The following DYNC2H1 variants were observed in gnomAD, a reference collection of about 807,000 sequenced individuals.
DYNC2H1 encodes dynein cytoplasmic 2 heavy chain 1.
Under a neutral mutation model 570.0 loss-of-function variants are expected in DYNC2H1, and 410 were observed. That is an observed-to-expected ratio of 0.72 (90% CI 0.66 to 0.78). The LOEUF is 0.78. Ranked by LOEUF, DYNC2H1 falls within the 30% of genes least tolerant of loss-of-function variation. The pLI, the probability that DYNC2H1 is intolerant of heterozygous loss-of-function variation, is 0.00. For missense variants in DYNC2H1, 4,865 were observed against 5,046.4 expected, an observed-to-expected ratio of 0.96 and a Z score of 1.09; for synonymous variants, 1,688 against 1,677.6, an observed-to-expected ratio of 1.01 and a Z score of -0.15.
Position 103,211,900 on chromosome 11 carries a change from G to A in DYNC2H1, c.8651G>A (p.Ser2884Asn). ...TFLHVYSAIS[S>N]SKKKELLKRQ... ...TTACATGTGTATTCTGCCATTAGTA[G>A]TAGCAAGAAAAAGGAATTATTAAAA... The change falls in exon 54 of 89, where the codon AGT (serine) becomes AAT (asparagine). Residue 2884 changes from serine to asparagine, a missense_variant. Around this residue, in one of 5 missense-constraint regions of DYNC2H1, gnomAD observed 2,401 missense variants for 2,454.6 expected, o/e 0.98. Coordinates refer to ENST00000375735, the MANE Select transcript of DYNC2H1 (RefSeq NM_001377.3). 1 of 1,534,158 alleles carries A rather than the reference G, an allele frequency of 6.5e-7. No homozygotes were observed. The highest frequency in any genetic ancestry group is 8.8e-7 in the Non-Finnish European group (1 of 1,137,118).
chr11:103,132,351 T>C (rs1381403957), intron 13 of DYNC2H1, among the ~76,000 whole-genome samples: 2 of 152,112 alleles, frequency 1.3e-5, no homozygotes, highest in Non-Finnish European at 2.9e-5. Context: ...TTTTTTATAA[T>C]TCTATTTTTT....
intron 65 of DYNC2H1, among the ~76,000 whole-genome samples, chr11:103,246,649 G>C (rs7103859): frequency 6.6e-6 from 1 of 151,832 alleles, no homozygotes; most frequent in Non-Finnish European, 1.5e-5. Flanking sequence ...GGATGTATTC[G>C]TGTCACACTA....
chr11:103,321,934 A>G (rs1316995263), intron 81 of DYNC2H1, among the ~76,000 whole-genome samples: 5 of 152,132 alleles, frequency 3.3e-5, no homozygotes, highest in Non-Finnish European at 1.5e-5. Context: ...CTATTCAATT[A>G]TGTAGTTCTC....
intron 84 of DYNC2H1, 118 bp from the exon 85 acceptor site, chr11:103,435,825 G>T (rs1302538057): frequency 1.3e-6 from 1 of 777,344 alleles, no homozygotes. Context: ...CAAACTTAAT[G>T]AATTTCATAT....
chr11:103,419,319 ATTCCTCCTG>A (rs1943399712), intron 84 of DYNC2H1, among the ~76,000 whole-genome samples: 1 of 152,188 alleles, frequency 6.6e-6, no homozygotes, highest in African/African-American at 2.4e-5. Context: ...CCGTGATCCC[ATTCCTCCTG>A]ACTGGATGAG....
intron 88 of DYNC2H1, among the ~76,000 whole-genome samples, chr11:103,478,265 T>G (rs1945628514): frequency 6.6e-6 from 1 of 152,236 alleles, no homozygotes; most frequent in South Asian, 2.1e-4. Flanking sequence ...TTATCTAGTT[T>G]TTCTTATATG....
intron 39 of DYNC2H1, among the ~76,000 whole-genome samples, chr11:103,180,513 T>C (rs1008467226): frequency 2.0e-5 from 3 of 151,730 alleles, no homozygotes; most frequent in African/African-American, 4.8e-5. Context: ...GCATAATGAA[T>C]GTATATGATT....
intron 34 of DYNC2H1, among the ~76,000 whole-genome samples, chr11:103,171,528 T>C (rs1861574093): frequency 6.6e-6 from 1 of 152,206 alleles, no homozygotes. Context: ...AATGCTGGGA[T>C]TACTGGTGTG....
intron 73 of DYNC2H1, among the ~76,000 whole-genome samples, chr11:103,283,771 C>T (rs1335293069): frequency 3.9e-5 from 6 of 151,924 alleles, no homozygotes; most frequent in Admixed American, 1.3e-4. Context: ...TTTCTTGTTG[C>T]ATAGTCTGGG....
At chr11:103,399,087 T>C (rs957649086) in intron 83 of DYNC2H1, among the ~76,000 whole-genome samples, 1 of 151,870 alleles carries the variant, frequency 6.6e-6, no homozygotes, top group African/African-American at 2.4e-5. Flanking sequence ...TACCATACTA[T>C]TACTTAATGT....
chr11:103,211,994 G>A (rs1565399792), intron 54 of DYNC2H1, 51 bp downstream of exon 54: 2 of 1,373,368 alleles, frequency 1.5e-6, no homozygotes, highest in South Asian at 2.0e-5. Flanking sequence ...GGAAACAAGA[G>A]TTTTGTAAAT....
chr11:103,398,551 G>A (rs529556152), intron 83 of DYNC2H1, among the ~76,000 whole-genome samples: 7 of 152,190 alleles, frequency 4.6e-5, no homozygotes, highest in Admixed American at 6.5e-5. Context: ...CCATAGACTC[G>A]TCAATGTGGC....
At chr11:103,337,278 A>G (rs575618601) in intron 82 of DYNC2H1, among the ~76,000 whole-genome samples, 2 of 152,174 alleles carry the variant, frequency 1.3e-5, no homozygotes, top group East Asian at 3.9e-4. Context: ...ATGTGGGTAA[A>G]TCTCTGTTCG....
chr11:103,284,153 A>G (rs1278286992), intron 73 of DYNC2H1, among the ~76,000 whole-genome samples: 2 of 152,154 alleles, frequency 1.3e-5, no homozygotes, highest in Non-Finnish European at 2.9e-5. Context: ...GTCTTCAGCA[A>G]GAATCCCATT....
intron 79 of DYNC2H1, 71 bp from the exon 80 acceptor site, chr11:103,316,474 G>T: frequency 9.9e-7 from 1 of 1,014,662 alleles, no homozygotes; most frequent in South Asian, 1.8e-5. Context: ...TTAATTTAAA[G>T]ACAGTGATAC....
Position 103,197,841 on chromosome 11 carries a change from A to G in DYNC2H1, c.7709-92A>G, listed in dbSNP as rs151266469. The G allele has an allele frequency of 1.6e-3, 2,237 of 1,363,896 alleles. 33 individuals are homozygous for G. In the East Asian group the frequency reaches 0.031, roughly 19 times the overall value. 84.5% of individuals were successfully genotyped at this position (1,363,896 alleles called of 1,614,324 possible). A position where few individuals can be genotyped will look rare whatever the true frequency, so the allele number is the denominator to read the frequency against. ...TTCTGGAGATGATCTTATTTGGATT[A>G]TTAACTTAAAAATGTTTTAGTAGGC... On this transcript the variant is annotated intron_variant, in intron 47 of 88. Transcript: ENST00000375735.
At chr11:103,166,424 CCCTT>C (rs1331010682) in intron 31 of DYNC2H1, among the ~76,000 whole-genome samples, 1 of 152,084 alleles carries the variant, frequency 6.6e-6, no homozygotes, top group Non-Finnish European at 1.5e-5. Flanking sequence ...CCATTTGTTG[CCCTT>C]CCTTTATTCC....
At chr11:103,354,429 C>G (rs1379984328) in intron 82 of DYNC2H1, among the ~76,000 whole-genome samples, 3 of 151,976 alleles carry the variant, frequency 2.0e-5, no homozygotes, top group Non-Finnish European at 2.9e-5. Flanking sequence ...TGCTGTAACT[C>G]TGGTCACTTT....
rs369658526 is a variant in DYNC2H1 at position 103,321,132 on chromosome 11, C to G, written c.11829C>G (p.Tyr3943Ter). 2.5e-6 allele frequency: 4 copies of G among 1,611,436 alleles called. No individual in the cohort carries two copies. The African/African-American group carries it at 5.3e-5, about 22-fold the overall frequency. The change falls in exon 81 of 89, where the codon TAC becomes TAG. Residue 3943 changes from tyrosine to a stop codon, truncating the protein, a stop_gained. Coordinates refer to ENST00000375735, the MANE Select transcript of DYNC2H1 (RefSeq NM_001377.3). LOFTEE classifies it high-confidence loss of function. The part of the protein sequence containing the change: ...NYFDLRVLQS[Y>*]LKQFFNSSVI... ...TTGACCTTAGAGTTCTTCAGTCATA[C>G]CTGAAGCAGTTTTTTAATTCTTCAG...
Sources: allele counts gnomAD v4.1 joint callset (sites outside exome capture counted in the v4.1 genomes callset), GRCh38; gene constraint gnomAD v4.1.1; regional missense constraint gnomAD v4.1.1; transcripts MANE v1.5; gene names NCBI Gene and HGNC (gene_info 2026-07-23, HGNC 2026-07-21).